WDR86: variants seen among roughly 807,000 people sequenced by gnomAD.
WDR86 encodes the protein WD repeat-containing protein 86.
Under a neutral mutation model 36.5 loss-of-function variants are expected in WDR86, and 30 were observed. The ratio of observed to expected loss-of-function variants is 0.82; its 90% CI spans 0.61 to 1.11. The LOEUF is 1.11. Among genes scored for constraint, WDR86 ranks in the 50% most tolerant of loss-of-function variants. WDR86 has a pLI of 0.00. For synonymous variants in WDR86, 255 were observed against 252.9 expected, an observed-to-expected ratio of 1.01 and a Z score of -0.08; for missense variants, 545 against 561.2, an observed-to-expected ratio of 0.97 and a Z score of 0.29.
At chr7:151,379,675 T>C (rs1388970759), downstream of WDR86, among the ~76,000 whole-genome samples, 2 of 152,168 alleles carry the variant, frequency 1.3e-5, no homozygotes, top group African/African-American at 4.8e-5. Context: ...CCAATGTGTG[T>C]TGCTATAAAA....
intron 3 of WDR86, among the ~76,000 whole-genome samples, chr7:151,394,966 T>C (rs1490484192): frequency 6.6e-6 from 1 of 152,186 alleles, no homozygotes; most frequent in Non-Finnish European, 1.5e-5. Context: ...TTGGAACTTT[T>C]TGGATTTAGG....
In WDR86 at chr7:151,406,933, GA is replaced by G. The variant is rs201297225; in HGVS notation, c.163+2493del. Among the ~76,000 whole-genome samples the G allele has an allele frequency of 4.1e-4, 62 of 149,786 alleles. No homozygotes were observed. The highest frequency in any genetic ancestry group is 2.3e-3 in the South Asian group (11 of 4,744). On this transcript the variant is annotated intron_variant, in intron 1 of 5. Transcript: ENST00000334493. The surrounding 1 kb of genome is among the most constrained non-coding windows in gnomAD (Gnocchi z 4.4). ...ACATTTTAATAATATTTCACTGATA[GA>G]AAAAAAAAATCCTGCAGGAGAAAGG...
Position 151,409,005 on chromosome 7 carries a change from G to A in WDR86, c.163+422C>T, listed in dbSNP as rs1269035331. 4.2e-6 allele frequency: 2 copies of A among 480,922 alleles called. No individual in the cohort carries two copies. The highest frequency in any genetic ancestry group is 8.5e-6 in the Non-Finnish European group (2 of 233,932). The allele number at this position is 480,922 out of a possible 1,614,324, so 29.8% of individuals were successfully genotyped here. On this transcript the variant is annotated intron_variant, in intron 1 of 5. Transcript: ENST00000334493. This position sits in a 1 kb window ranked among gnomAD's most constrained non-coding sequence, Gnocchi z 5.2. Reference sequence around the variant, plus strand: ...CTGTTGCTGTGAGAGTCGTCAACAGGAAATGCCAGCAGAAGAGCACAATTG... The same window carrying A: ...CTGTTGCTGTGAGAGTCGTCAACAGAAAATGCCAGCAGAAGAGCACAATTG...
At chr7:151,399,110 T>C (rs1800099812) in intron 2 of WDR86, among the ~76,000 whole-genome samples, 1 of 152,222 alleles carries the variant, frequency 6.6e-6, no homozygotes, top group South Asian at 2.1e-4. Flanking sequence ...CCACCCTACC[T>C]TGTGTCTGCA....
rs532958596 is a variant in WDR86 at position 151,382,210 on chromosome 7, T to A, written c.863-229A>T. 5.9e-5 allele frequency among the ~76,000 whole-genome samples: 9 copies of A among 152,280 alleles called. No individual in the cohort carries two copies. The South Asian group carries it at 1.9e-3, about 32-fold the overall frequency. On this transcript the variant is annotated intron_variant, in intron 4 of 5. Transcript: ENST00000334493. ...CCAGCTGGCCCTGCCCCTGCCCTGC[T>A]GAACACCGCCCGGGCCCAGTCCCCA...
At chr7:151,385,867 G>A (rs1234440557) in intron 3 of WDR86, among the ~76,000 whole-genome samples, 3 of 152,128 alleles carry the variant, frequency 2.0e-5, no homozygotes, top group African/African-American at 4.8e-5. Context: ...CGGGAGTAGC[G>A]GCCCCAGGGA....
chr7:151,380,357 A>G (rs1798490856), downstream of WDR86, among the ~76,000 whole-genome samples: 1 of 152,174 alleles, frequency 6.6e-6, no homozygotes, highest in Admixed American at 6.5e-5. Flanking sequence ...CTGATGAAGT[A>G]TCTTCTGCAT....
intron 3 of WDR86, among the ~76,000 whole-genome samples, chr7:151,389,439 C>T (rs1053278908): frequency 3.9e-5 from 6 of 152,192 alleles, no homozygotes; most frequent in South Asian, 2.1e-4. Flanking sequence ...GCACCATCGC[C>T]GGGCGGCTCA....
At chr7:151,384,101 TG>T (rs1312373563) in intron 4 of WDR86, among the ~76,000 whole-genome samples, 1 of 152,242 alleles carries the variant, frequency 6.6e-6, no homozygotes, top group Admixed American at 6.5e-5. Context: ...ATCTACATTC[TG>T]TCTTCATCCA....
chr7:151,396,291 A>G, intron 2 of WDR86, 95 bp from the exon 3 acceptor site: 2 of 1,402,006 alleles, frequency 1.4e-6, no homozygotes, highest in South Asian at 2.4e-5. Context: ...TGCAGCTAAA[A>G]TAACCTCTCC....
Position 151,406,345 on chromosome 7 carries a change from C to T in WDR86, c.163+3082G>A, listed in dbSNP as rs553799708. The stretch of plus-strand genomic sequence containing the variant: ...TCTGCGAGACACCCAGGAAAGCCTG[C>T]GGTCCCTGATTGCCCCTGCTGCCAT... On this transcript the variant is annotated intron_variant, in intron 1 of 5. Coordinates refer to ENST00000334493, the MANE Select transcript of WDR86 (RefSeq NM_198285.3). The surrounding 1 kb of genome is among the most constrained non-coding windows in gnomAD (Gnocchi z 4.4). Among the ~76,000 whole-genome samples, 159 of 152,286 alleles carry T rather than the reference C, an allele frequency of 1.0e-3. No homozygotes were observed. The highest frequency in any genetic ancestry group is 1.7e-3 in the Non-Finnish European group (119 of 68,018).
intron 3 of WDR86, among the ~76,000 whole-genome samples, chr7:151,389,118 CTTTTTTTT>C (rs34882878): frequency 1.6e-5 from 2 of 125,576 alleles, no homozygotes; most frequent in Non-Finnish European, 3.3e-5. Context: ...CTTTTCTTTC[CTTTTTTTT>C]TTTTTTTTTG....
Position 151,381,256 on chromosome 7 carries a change from C to G in WDR86, c.*326G>C. ...GCAGGAAAGGCCCAGTTTCGTGGGG[C>G]TGGGGGAGCTGGGGCAGTCCGCCTG... On this transcript the variant is annotated 3_prime_UTR_variant, in exon 6 of 6. Transcript: ENST00000334493. This position sits in a 1 kb window ranked among gnomAD's most constrained non-coding sequence, Gnocchi z 4.8. 1 of 1,307,548 alleles carries G rather than the reference C, an allele frequency of 7.6e-7. No individual in the cohort carries two copies. The highest frequency in any genetic ancestry group is 2.3e-5 in the South Asian group (1 of 43,470). The allele number at this position is 1,307,548 out of a possible 1,614,324, so 81.0% of individuals were successfully genotyped here. A position where few individuals can be genotyped will look rare whatever the true frequency, so the allele number is the denominator to read the frequency against.
intron 1 of WDR86, among the ~76,000 whole-genome samples, chr7:151,402,037 A>G (rs1314521248): frequency 8.4e-6 from 1 of 118,452 alleles, no homozygotes; most frequent in Admixed American, 8.8e-5. Flanking sequence ...GACAGAGCAA[A>G]ACTCTGCCTC....
chr7:151,373,740 C>T (rs1264078367), downstream of WDR86, among the ~76,000 whole-genome samples: 1 of 152,224 alleles, frequency 6.6e-6, no homozygotes, highest in Non-Finnish European at 1.5e-5. Context: ...TACCTGGTTC[C>T]TAGAAGAGAA....
downstream of WDR86, chr7:151,376,599 G>C (rs1207621644): frequency 1.9e-6 from 3 of 1,561,738 alleles, no homozygotes; most frequent in South Asian, 2.3e-5. Flanking sequence ...AGAGGCGCCA[G>C]GGGCTGATGC....
Position 151,388,820 on chromosome 7 carries a change from G to A in WDR86, c.727-3597C>T, listed in dbSNP as rs965711644. On this transcript the variant is annotated intron_variant, in intron 3 of 5. Coordinates refer to ENST00000334493, the MANE Select transcript of WDR86 (RefSeq NM_198285.3). The surrounding 1 kb of genome is among the most constrained non-coding windows in gnomAD (Gnocchi z 4.2). ...TATATGAAGCTATGGTCTGAGTGTC[G>A]GAACCCCCCAAATTCATGCTGGAAC... 2.0e-5 allele frequency among the ~76,000 whole-genome samples: 3 copies of A among 152,080 alleles called. No homozygotes were observed. The highest frequency in any genetic ancestry group is 2.9e-5 in the Non-Finnish European group (2 of 68,024).
intron 3 of WDR86, among the ~76,000 whole-genome samples, chr7:151,391,657 G>A (rs1042138338): frequency 6.6e-6 from 1 of 152,186 alleles, no homozygotes; most frequent in African/African-American, 2.4e-5. Flanking sequence ...GTGAAGGGAA[G>A]AAAGAGGGAA....
At chr7:151,403,157 C>T (rs1800461042) in intron 1 of WDR86, among the ~76,000 whole-genome samples, 1 of 150,852 alleles carries the variant, frequency 6.6e-6, no homozygotes, top group African/African-American at 2.5e-5. Flanking sequence ...AGCAGGGAAG[C>T]CAAATTTTGC....
Sources: allele counts gnomAD v4.1 joint callset (sites outside exome capture counted in the v4.1 genomes callset), GRCh38; gene constraint gnomAD v4.1.1; non-coding constraint Gnocchi (gnomAD v3.1); transcripts MANE v1.5; gene names NCBI Gene and HGNC (gene_info 2026-07-23, HGNC 2026-07-21).